SPATA21: variants seen among roughly 807,000 people sequenced by gnomAD.
SPATA21 encodes the protein spermatogenesis-associated protein 21.
A neutral mutation model predicts 54.8 loss-of-function variants in SPATA21; 47 were observed. The ratio of observed to expected loss-of-function variants is 0.86; its 90% CI spans 0.68 to 1.09. The LOEUF is 1.09. SPATA21 is among the 50% of genes least tolerant of loss of function. SPATA21 has a pLI of 0.00. For missense variants in SPATA21, 599 were observed against 596.4 expected (o/e 1.00, Z -0.05); for synonymous variants, 245 against 235.3 (o/e 1.04, Z -0.38).
chr1:16,426,581 T>TATATATATATATA (rs1341237564), intron 3 of SPATA21, among the ~76,000 whole-genome samples: 101 of 67,674 alleles, frequency 1.5e-3, no homozygotes, highest in East Asian at 0.012. Flanking sequence ...ATATATATAT[T>TATATATATATATA]TTTTTTTTTT....
intron 3 of SPATA21, among the ~76,000 whole-genome samples, chr1:16,429,152 T>A (rs1347747539): frequency 1.3e-5 from 2 of 152,100 alleles, no homozygotes; most frequent in East Asian, 1.9e-4. Context: ...TTTTTATTTT[T>A]TTTTTTGGCT....
Position 16,423,754 on chromosome 1 carries a change from A to G in SPATA21, c.35-1783T>C, listed in dbSNP as rs374555367. ...AGACGGGGTTTCACCAGGTTGGCCA[A>G]GCTGGTCTTGAACTCCTGACCTCAG... On this transcript the variant is annotated intron_variant, in intron 3 of 12. Coordinates refer to ENST00000335496, the MANE Select transcript of SPATA21 (RefSeq NM_198546.1). Among the ~76,000 whole-genome samples, 18 of 151,764 alleles carry G rather than the reference A, an allele frequency of 1.2e-4. No homozygotes were observed. The East Asian group carries it at 3.4e-3, about 28-fold the overall frequency.
chr1:16,417,652 C>G (rs1036759282), intron 5 of SPATA21, among the ~76,000 whole-genome samples: 1 of 152,052 alleles, frequency 6.6e-6, no homozygotes, highest in African/African-American at 2.4e-5. Context: ...CCAAGCTGGT[C>G]TCGAACTCCT....
chr1:16,423,125 C>A (rs919023488), intron 3 of SPATA21, among the ~76,000 whole-genome samples: 2 of 151,530 alleles, frequency 1.3e-5, no homozygotes, highest in African/African-American at 4.9e-5. Flanking sequence ...CCACTGCACT[C>A]CAGCCTGGGC....
chr1:16,422,787 C>CGCCTGGCCTCTAATCAT (rs2086208441), intron 3 of SPATA21, among the ~76,000 whole-genome samples: 1 of 152,106 alleles, frequency 6.6e-6, no homozygotes, highest in African/African-American at 2.4e-5. Context: ...GGATTACAGG[C>CGCCTGGCCTCTAATCAT]ATCAGTCACC....
intron 3 of SPATA21, among the ~76,000 whole-genome samples, chr1:16,423,539 C>CTTTTT (rs966239575): frequency 6.3e-5 from 7 of 111,660 alleles, no homozygotes; most frequent in Non-Finnish European, 1.1e-4. Flanking sequence ...TCTCTCTCTC[C>CTTTTT]TTTTTTTTTT....
chr1:16,434,699 A>G (rs1265353642), intron 1 of SPATA21, among the ~76,000 whole-genome samples: 1 of 152,218 alleles, frequency 6.6e-6, no homozygotes, highest in African/African-American at 2.4e-5. Flanking sequence ...GTATATAGGA[A>G]CGGAATTGCT....
intron 3 of SPATA21, among the ~76,000 whole-genome samples, chr1:16,424,224 A>AG (rs1185927528): frequency 0.019 from 109 of 5,696 alleles, no homozygotes; most frequent in East Asian, 0.028. Context: ...GAGGCAGGAG[A>AG]ATGGCATGAA....
intron 3 of SPATA21, among the ~76,000 whole-genome samples, chr1:16,429,320 C>CG (rs2086399199): frequency 6.8e-6 from 1 of 147,756 alleles, no homozygotes; most frequent in Admixed American, 6.7e-5. Context: ...TTTTTTGAGA[C>CG]GGGGTCTCAC....
At chr1:16,426,920 C>T (rs1460625076) in intron 3 of SPATA21, among the ~76,000 whole-genome samples, 7 of 151,956 alleles carry the variant, frequency 4.6e-5, no homozygotes, top group Admixed American at 1.3e-4. Context: ...CTGTGTTTTT[C>T]GCATGCTAAA....
chr1:16,422,426 A>G (rs982161488), intron 3 of SPATA21, among the ~76,000 whole-genome samples: 1 of 151,876 alleles, frequency 6.6e-6, no homozygotes, highest in South Asian at 2.1e-4. Flanking sequence ...CCAAAGAACC[A>G]CACTTCCCTA....
downstream of SPATA21, chr1:16,396,024 G>C (rs2085306290): frequency 6.6e-6 from 1 of 152,654 alleles, no homozygotes; most frequent in Non-Finnish European, 1.5e-5. Flanking sequence ...TACCCCTCAG[G>C]GTGGTTCCCT....
At chr1:16,403,318 G>T (rs1439308744) in intron 10 of SPATA21, among the ~76,000 whole-genome samples, 1 of 152,158 alleles carries the variant, frequency 6.6e-6, no homozygotes, top group Non-Finnish European at 1.5e-5. Context: ...TGTAGGGAGA[G>T]CCTAGCTGAG....
intron 10 of SPATA21, among the ~76,000 whole-genome samples, chr1:16,402,564 C>G (rs1389866799): frequency 6.8e-6 from 1 of 146,800 alleles, no homozygotes; most frequent in East Asian, 2.3e-4. Flanking sequence ...CCTGGCTTTT[C>G]TTTTTTTTAA....
Position 16,407,564 on chromosome 1 carries a change from A to G in SPATA21, c.673+1554T>C, listed in dbSNP as rs536086984. Among the ~76,000 whole-genome samples the G allele has an allele frequency of 1.6e-3, 244 of 151,762 alleles. 2 individuals carry two copies. The highest frequency in any genetic ancestry group is 4.1e-3 in the African/African-American group (168 of 41,356). On this transcript the variant is annotated intron_variant, in intron 7 of 12. Transcript: ENST00000335496. ...AACCTCCACTTCCCAGGTTCAAGCG[A>G]TTCTTGTGCCTCAGCCCCCTGAGTA...
At chr1:16,430,478 A>G (rs78116095) in intron 3 of SPATA21, among the ~76,000 whole-genome samples, 8,861 of 152,162 alleles carry the variant, frequency 0.058, 309 homozygotes, top group Non-Finnish European at 0.073. Flanking sequence ...TGATGGAAAG[A>G]GGCTGAGAGG....
At chr1:16,425,805 G>A in intron 3 of SPATA21, 1 of 1,344,488 alleles carries the variant, frequency 7.4e-7, no homozygotes, top group South Asian at 1.3e-5. Context: ...ACAGGGCTAG[G>A]CATACCATAG....
chr1:16,403,698 C>G (rs764245907), intron 10 of SPATA21, 29 bp downstream of exon 10: 1 of 1,592,152 alleles, frequency 6.3e-7, no homozygotes, highest in South Asian at 1.1e-5. Context: ...GTCCACAACC[C>G]TTCACCCCCA....
chr1:16,400,838 C>T lies in SPATA21; in HGVS notation c.1056G>A (p.Ala352=), dbSNP rs138557096. 5 of 1,614,216 alleles carry T rather than the reference C, an allele frequency of 3.1e-6. No individual in the cohort carries two copies. The highest frequency in any genetic ancestry group is 2.2e-5 in the South Asian group (2 of 91,088). The part of the protein sequence containing the change: ...EGTCKAQEME[A]AVGRLRLQKL... ...TCTGCAACCGCAGCCGGCCTACGGC[C>T]GCTTCCATCTCCTGGGCCTTGCAGG... Residue 352 remains alanine, a synonymous_variant, in exon 11 of 13, where the codon GCG becomes GCA. Coordinates refer to ENST00000335496, the MANE Select transcript of SPATA21 (RefSeq NM_198546.1).
Sources: allele counts gnomAD v4.1 joint callset (sites outside exome capture counted in the v4.1 genomes callset), GRCh38; gene constraint gnomAD v4.1.1; transcripts MANE v1.5; gene names NCBI Gene and HGNC (gene_info 2026-07-23, HGNC 2026-07-21).